CNTNAP2: variants seen among roughly 807,000 people sequenced by gnomAD.
CNTNAP2 encodes contactin-associated protein-like 2.
A neutral mutation model predicts 155.2 loss-of-function variants in CNTNAP2; 98 were observed. The ratio of observed to expected loss-of-function variants is 0.63; its 90% CI spans 0.54 to 0.75. CNTNAP2 has a LOEUF of 0.75. Among genes scored for constraint, CNTNAP2 ranks in the 30% least tolerant of loss-of-function variants. The pLI is 0.00. For synonymous variants in CNTNAP2, 651 were observed against 631.2 expected (o/e 1.03, Z -0.47); for missense variants, 1,727 against 1,688.1 (o/e 1.02, Z -0.40).
At chr7:147,839,462 A>G (rs1798690153) in intron 13 of CNTNAP2, among the ~76,000 whole-genome samples, 1 of 152,228 alleles carries the variant, frequency 6.6e-6, no homozygotes, top group African/African-American at 2.4e-5. Flanking sequence ...GTAAAGGAAC[A>G]TTTCCAGAGG....
At chr7:146,908,324 C>T (rs1437084413) in intron 3 of CNTNAP2, among the ~76,000 whole-genome samples, 1 of 149,744 alleles carries the variant, frequency 6.7e-6, no homozygotes, top group Non-Finnish European at 1.5e-5. Flanking sequence ...ACAGAACTCT[C>T]CACCCCAAAT....
intron 3 of CNTNAP2, among the ~76,000 whole-genome samples, chr7:146,840,264 TA>T (rs1363980459): frequency 2.0e-5 from 3 of 152,156 alleles, no homozygotes; most frequent in Non-Finnish European, 4.4e-5. Context: ...ATATTGAAAT[TA>T]TGAAGAATAT....
At chr7:146,875,676 G>GC (rs917225759) in intron 3 of CNTNAP2, among the ~76,000 whole-genome samples, 4 of 151,504 alleles carry the variant, frequency 2.6e-5, no homozygotes, top group South Asian at 2.1e-4. Context: ...GCTTTTGGCG[G>GC]GGGGGCAAAG....
intron 13 of CNTNAP2, among the ~76,000 whole-genome samples, chr7:147,808,404 A>G (rs984210325): frequency 2.0e-5 from 3 of 152,154 alleles, no homozygotes; most frequent in Non-Finnish European, 4.4e-5. Context: ...GCTGGTGGCT[A>G]TCTTTGGCAA....
At chr7:147,330,142 C>T (rs1795531545) in intron 9 of CNTNAP2, among the ~76,000 whole-genome samples, 1 of 152,062 alleles carries the variant, frequency 6.6e-6, no homozygotes, top group Non-Finnish European at 1.5e-5. Context: ...GAATCTTTTA[C>T]CCCACCTACC....
intron 17 of CNTNAP2, among the ~76,000 whole-genome samples, chr7:148,152,884 A>G (rs1029437490): frequency 1.9e-4 from 29 of 151,916 alleles, no homozygotes; most frequent in South Asian, 4.2e-4. Flanking sequence ...AGCCAGGTGT[A>G]GTGGCAGGCG....
At chr7:146,544,414 C>T (rs547031958) in intron 1 of CNTNAP2, among the ~76,000 whole-genome samples, 30 of 152,064 alleles carry the variant, frequency 2.0e-4, no homozygotes, top group Admixed American at 6.6e-4. Flanking sequence ...GCACACTTTC[C>T]GCTACATCTT....
intron 21 of CNTNAP2, among the ~76,000 whole-genome samples, chr7:148,347,541 A>T (rs544762643): frequency 2.2e-4 from 33 of 152,260 alleles, no homozygotes; most frequent in Non-Finnish European, 1.2e-4. Flanking sequence ...CAGTTATTTG[A>T]TTGTTTGGCT....
At chr7:147,207,278 G>A (rs1408345036) in intron 8 of CNTNAP2, among the ~76,000 whole-genome samples, 3 of 152,058 alleles carry the variant, frequency 2.0e-5, no homozygotes, top group South Asian at 2.1e-4. Context: ...AAATAAGTCA[G>A]CAATTTAAAT....
At chr7:147,911,643 T>C (rs1264369942) in intron 14 of CNTNAP2, among the ~76,000 whole-genome samples, 1 of 152,220 alleles carries the variant, frequency 6.6e-6, no homozygotes, top group African/African-American at 2.4e-5. Context: ...CCACCATCGT[T>C]CTATTTTCTG....
chr7:146,762,505 A>G (rs1239057413), intron 1 of CNTNAP2, among the ~76,000 whole-genome samples: 1 of 152,146 alleles, frequency 6.6e-6, no homozygotes, highest in Non-Finnish European at 1.5e-5. Flanking sequence ...AGGCTGAGGC[A>G]GGAGAATTGC....
intron 1 of CNTNAP2, among the ~76,000 whole-genome samples, chr7:146,138,903 A>G (rs1262927374): frequency 1.3e-5 from 2 of 152,142 alleles, no homozygotes; most frequent in Non-Finnish European, 2.9e-5. Context: ...ACAAACACTT[A>G]TCAAATATAT....
chr7:148,022,468 CAA>C (rs745936599), intron 15 of CNTNAP2, among the ~76,000 whole-genome samples: 4 of 91,138 alleles, frequency 4.4e-5, no homozygotes, highest in Non-Finnish European at 4.3e-5. Flanking sequence ...GACTCCGTCT[CAA>C]AAAAAAAAAA....
rs565410301 is a variant in CNTNAP2 at position 148,188,572 on chromosome 7, G to A, written c.3010+16094G>A. Among the ~76,000 whole-genome samples, 123 of 152,306 alleles carry A rather than the reference G, an allele frequency of 8.1e-4. 3 individuals are homozygous for A. Among genetic ancestry groups the A allele is most frequent in the Middle Eastern group, 3.4e-3 (1 of 294 alleles). ...TGCACTGGCAAAAAGAGAGGAAACTGTCTTTCTCTCCCCTCTGGCAGTTTC... is the reference window on the plus strand; with the variant it reads ...TGCACTGGCAAAAAGAGAGGAAACTATCTTTCTCTCCCCTCTGGCAGTTTC... On this transcript the variant is annotated intron_variant, in intron 18 of 23. Transcript: ENST00000361727.
chr7:146,711,704 TAC>T (rs1178101194), intron 1 of CNTNAP2, among the ~76,000 whole-genome samples: 10 of 145,704 alleles, frequency 6.9e-5, no homozygotes, highest in Non-Finnish European at 1.5e-4. Context: ...ATCTTATGTA[TAC>T]ATATATAGTA....
chr7:146,740,956 G>A (rs1481914424), intron 1 of CNTNAP2, among the ~76,000 whole-genome samples: 3 of 152,146 alleles, frequency 2.0e-5, no homozygotes, highest in Non-Finnish European at 2.9e-5. Context: ...GTCCTGGTGG[G>A]TCTATAGGCT....
At position 146,991,583 on chromosome 7, in the gene CNTNAP2, C is replaced by A. The variant is rs73463291; in HGVS notation, c.403-52324C>A. ...TCATCAAATTTTCACTGTGTAATAA[C>A]ACATTGTAAAACCAATATAGGAGTG... On this transcript the variant is annotated intron_variant, in intron 3 of 23. Transcript: ENST00000361727. Among the ~76,000 whole-genome samples, 478 of 152,260 alleles carry A rather than the reference C, an allele frequency of 3.1e-3. 3 individuals are homozygous for A. The highest frequency in any genetic ancestry group is 0.011 in the African/African-American group (455 of 41,576).
chr7:146,544,661 T>C (rs1474649494), intron 1 of CNTNAP2, among the ~76,000 whole-genome samples: 3 of 151,902 alleles, frequency 2.0e-5, no homozygotes, highest in African/African-American at 4.8e-5. Flanking sequence ...TTAGAGTCTA[T>C]ATTTAAAGAA....
chr7:146,512,836 T>C (rs866385181), intron 1 of CNTNAP2, among the ~76,000 whole-genome samples: 1 of 151,972 alleles, frequency 6.6e-6, no homozygotes, highest in Non-Finnish European at 1.5e-5. Flanking sequence ...ACTCCAATAT[T>C]TGTTCATTAA....
Sources: gnomAD v4.1 joint callset for allele counts (sites outside exome capture counted in the v4.1 genomes callset) on GRCh38, gnomAD v4.1.1 for gene constraint, MANE v1.5 for transcripts, NCBI Gene and HGNC (gene_info 2026-07-23, HGNC 2026-07-21) for gene names.